The following CHAT variants were observed in gnomAD, a reference collection of about 807,000 sequenced individuals.
CHAT encodes the protein acetyl CoA:choline O-acetyltransferase.
A neutral mutation model predicts 76.9 loss-of-function variants in CHAT; 61 were observed. That is an observed-to-expected ratio of 0.79 (90% CI 0.65 to 0.98). The LOEUF is 0.98. Ranked by LOEUF, CHAT falls within the 50% of genes least tolerant of loss-of-function variation. CHAT has a pLI of 0.00. For missense variants in CHAT, 946 were observed against 986.9 expected, an observed-to-expected ratio of 0.96 and a Z score of 0.56; for synonymous variants, 407 against 397.4, an observed-to-expected ratio of 1.02 and a Z score of -0.29.
intron 13 of CHAT, 56 bp from the exon 14 acceptor site, chr10:49,662,589 A>T (rs1840226222): frequency 6.2e-7 from 1 of 1,608,166 alleles, no homozygotes; most frequent in South Asian, 1.1e-5. Context: ...AGCAGGGAAC[A>T]AGGAGGTGCA....
At chr10:49,612,269 A>G, upstream of CHAT, 1 of 1,610,834 alleles carries the variant, frequency 6.2e-7, no homozygotes, top group Non-Finnish European at 8.5e-7. Context: ...CAGGACGGCG[A>G]GCCTCGCAGC....
At chr10:49,625,450 C>T (rs1564475527) in intron 5 of CHAT, 23 bp from the exon 6 acceptor site, 1 of 1,611,266 alleles carries the variant, frequency 6.2e-7, no homozygotes, top group Admixed American at 1.7e-5. Flanking sequence ...GTGGCTGCCT[C>T]CCTTCCCACT....
chr10:49,665,236 T>C lies in CHAT; in HGVS notation c.*190T>C. On this transcript the variant is annotated 3_prime_UTR_variant, in exon 15 of 15. Coordinates refer to ENST00000337653, the MANE Select transcript of CHAT (RefSeq NM_020549.5). ...AGGGTCCCCTCTTCATGCATGGGAA[T>C]CATCATTTTCAAGGTGGCTTTGGGC... The C allele has an allele frequency of 2.9e-6, 2 of 684,220 alleles. No homozygotes were observed. Among genetic ancestry groups the C allele is most frequent in the Non-Finnish European group, 5.0e-6 (2 of 397,276 alleles). 42.4% of individuals were successfully genotyped at this position (684,220 alleles called of 1,614,324 possible).
At chr10:49,640,578 C>T (rs1031211403) in intron 7 of CHAT, among the ~76,000 whole-genome samples, 2 of 152,122 alleles carry the variant, frequency 1.3e-5, no homozygotes, top group Non-Finnish European at 2.9e-5. Flanking sequence ...CTGGTTATTG[C>T]TCAATGGAGA....
chr10:49,610,989 G>A (rs150436609), upstream of CHAT: 1 of 1,612,264 alleles, frequency 6.2e-7, no homozygotes, highest in Non-Finnish European at 8.5e-7. Flanking sequence ...CCACCCTGCC[G>A]CTGCCCACTC....
chr10:49,619,953 C>A lies in CHAT; in HGVS notation c.579+37C>A, dbSNP rs138137810. 3.2e-6 allele frequency: 5 copies of A among 1,582,046 alleles called. No individual in the cohort carries two copies. The African/African-American group carries it at 4.1e-5, about 13-fold the overall frequency. On this transcript the variant is annotated intron_variant, in intron 3 of 14. Coordinates refer to ENST00000337653, the MANE Select transcript of CHAT (RefSeq NM_020549.5). ...AGACAAGGAACCCATAGAAGAGGGG[C>A]GGGAGGCAGACCTGGAGACAGAGGG...
chr10:49,621,279 C>G lies in CHAT; in HGVS notation c.698+666C>G, dbSNP rs551258311. On this transcript the variant is annotated intron_variant, in intron 4 of 14. Coordinates refer to ENST00000337653, the MANE Select transcript of CHAT (RefSeq NM_020549.5). ...ACAAGAGGCAGGGCCCACCTCTCCT[C>G]TGGGCAGGGCTTAGCCATGCTAGGA... 1.6e-4 allele frequency among the ~76,000 whole-genome samples: 24 copies of G among 152,278 alleles called. No homozygotes were observed. The South Asian group carries it at 4.8e-3, about 30-fold the overall frequency.
Position 49,619,888 on chromosome 10 carries a change from T to A in CHAT, c.551T>A (p.Leu184Gln), listed in dbSNP as rs1418885156. Residue 184 changes from leucine to glutamine, a missense_variant, in exon 3 of 15, where the codon CTG (leucine) becomes CAG (glutamine). Leu to Gln is a moderately radical substitution (Grantham distance 113). This residue lies in a region of CHAT where 548 missense variants were observed against 516.2 expected (regional missense o/e 1.06). Transcript: ENST00000337653. ...GGCGAGACCCTGCAGCAGAAACTCC[T>A]GGAGCGGCAGGAGAAGACAGCCAAC... ...GLGETLQQKLLERQEKTANWV... is the reference protein window; with the variant it reads ...GLGETLQQKLQERQEKTANWV... The A allele has an allele frequency of 6.2e-7, 1 of 1,612,530 alleles. No homozygotes were observed. Among genetic ancestry groups the A allele is most frequent in the East Asian group, 2.2e-5 (1 of 44,824 alleles).
chr10:49,627,346 A>C (rs538125510), intron 6 of CHAT, among the ~76,000 whole-genome samples: 6 of 152,316 alleles, frequency 3.9e-5, no homozygotes, highest in Admixed American at 3.9e-4. Flanking sequence ...TCCATTCCCC[A>C]CAAACATAAT....
upstream of CHAT, chr10:49,613,944 G>C: frequency 1.6e-6 from 1 of 623,510 alleles, no homozygotes; most frequent in Non-Finnish European, 2.8e-6. Flanking sequence ...GGAGGGCAGC[G>C]AGCAGAGACT....
intron 7 of CHAT, among the ~76,000 whole-genome samples, chr10:49,635,084 C>A (rs1161083678): frequency 6.6e-6 from 1 of 152,198 alleles, no homozygotes; most frequent in African/African-American, 2.4e-5. Flanking sequence ...TATAACCACA[C>A]CCACCTCACC....
At chr10:49,643,972 C>A (rs1839574465) in intron 7 of CHAT, among the ~76,000 whole-genome samples, 1 of 152,200 alleles carries the variant, frequency 6.6e-6, no homozygotes, top group Admixed American at 6.5e-5. Flanking sequence ...GCATTGGGGT[C>A]ATGTGCTGTG....
At chr10:49,662,819 A>G in intron 14 of CHAT, 37 bp downstream of exon 14, 1 of 1,613,952 alleles carries the variant, frequency 6.2e-7, no homozygotes, top group East Asian at 2.2e-5. Flanking sequence ...AGAGTAGTGT[A>G]GTCAGTAAGC....
intron 1 of CHAT, among the ~76,000 whole-genome samples, chr10:49,616,248 AAC>A (rs1838488273): frequency 6.6e-6 from 1 of 152,198 alleles, no homozygotes; most frequent in Non-Finnish European, 1.5e-5. Context: ...CTTGGGTGAC[AAC>A]AGACTCATGA....
Position 49,655,214 on chromosome 10 carries a change from C to T in CHAT, c.1754C>T (p.Thr585Ile), listed in dbSNP as rs1564493736. The change falls in exon 12 of 15, where the codon ACT becomes ATT. Residue 585 changes from threonine to isoleucine, a missense_variant. By Grantham distance (89) the Thr-to-Ile change is moderately conservative. Coordinates refer to ENST00000337653, the MANE Select transcript of CHAT (RefSeq NM_020549.5). ...PEALAFVRAV[T>I]DHKAAVPASE... ...GCACTGGCTTTTGTGAGAGCCGTGA[C>T]TGACCACAAGGCTGCTGTGCCAGTA... The T allele has an allele frequency of 6.2e-7, 1 of 1,614,090 alleles. No homozygotes were observed. Among genetic ancestry groups the T allele is most frequent in the Non-Finnish European group, 8.5e-7 (1 of 1,180,042 alleles).
intron 14 of CHAT, 151 bp downstream of exon 14, chr10:49,662,933 A>G (rs748430185): frequency 3.7e-5 from 38 of 1,036,984 alleles, no homozygotes; most frequent in Non-Finnish European, 5.4e-5. Context: ...CTGAATGTTC[A>G]TTAGAAGATG....
intron 8 of CHAT, 55 bp from the exon 9 acceptor site, chr10:49,648,452 C>T (rs770419011): frequency 6.4e-6 from 9 of 1,414,260 alleles, no homozygotes; most frequent in Non-Finnish European, 9.0e-6. Flanking sequence ...GGCCAAGGGG[C>T]TGCCTTGCAA....
At chr10:49,621,833 T>A (rs919916131) in intron 4 of CHAT, among the ~76,000 whole-genome samples, 37 of 151,998 alleles carry the variant, frequency 2.4e-4, no homozygotes, top group Admixed American at 2.2e-3. Context: ...AGGCTTGTGG[T>A]GGGCTCTCGG....
At chr10:49,609,848 G>T (rs1210021468), upstream of CHAT, among the ~76,000 whole-genome samples, 2 of 152,202 alleles carry the variant, frequency 1.3e-5, no homozygotes, top group African/African-American at 4.8e-5. Flanking sequence ...TGGACGCAGC[G>T]GCGGCTCACC....
Sources: gnomAD v4.1 joint callset for allele counts (sites outside exome capture counted in the v4.1 genomes callset) on GRCh38, gnomAD v4.1.1 for gene constraint, gnomAD v4.1.1 regional missense constraint, MANE v1.5 for transcripts, NCBI Gene and HGNC (gene_info 2026-07-23, HGNC 2026-07-21) for gene names.